CSNK1G1: variants seen among roughly 807,000 people sequenced by gnomAD.
The protein encoded by CSNK1G1 is casein kinase I isoform gamma-1.
Under a neutral mutation model 59.6 loss-of-function variants are expected in CSNK1G1, and 22 were observed. The ratio of observed to expected loss-of-function variants is 0.37; its 90% CI spans 0.26 to 0.53. CSNK1G1 has a LOEUF of 0.53. Ranked by LOEUF, CSNK1G1 falls within the 20% of genes least tolerant of loss-of-function variation. CSNK1G1 has a pLI of 0.89. For synonymous variants in CSNK1G1, 179 were observed against 177.1 expected (o/e 1.01, Z -0.08); for missense variants, 384 against 519.5 (o/e 0.74, Z 2.54).
In CSNK1G1 at chr15:64,176,415, T is replaced by G; in HGVS notation, c.1214+3933A>C. 2.5e-6 allele frequency: 1 copy of G among 396,520 alleles called. No homozygotes were observed. Among genetic ancestry groups the G allele is most frequent in the Non-Finnish European group, 4.4e-6 (1 of 225,156 alleles). 24.6% of individuals were successfully genotyped at this position (396,520 alleles called of 1,614,324 possible). On this transcript the variant is annotated intron_variant, in intron 11 of 11. Coordinates refer to ENST00000303052, the MANE Select transcript of CSNK1G1 (RefSeq NM_022048.5). The surrounding 1 kb of genome is among the most constrained non-coding windows in gnomAD (Gnocchi z 5.2). ...CATGCAGTATGTGTCTGTGTTTAGT[T>G]TCTTCTTCTGTCAAGGTAGGCTGAG...
chr15:64,300,241 C>T (rs552966380), intron 2 of CSNK1G1, 78 bp downstream of exon 2: 21 of 1,381,336 alleles, frequency 1.5e-5, no homozygotes, highest in Admixed American at 2.2e-5. Flanking sequence ...AAACTATAAA[C>T]GGCTTGTCTT....
At chr15:64,288,141 A>T (rs1283826513) in intron 2 of CSNK1G1, among the ~76,000 whole-genome samples, 1 of 152,154 alleles carries the variant, frequency 6.6e-6, no homozygotes, top group Non-Finnish European at 1.5e-5. Flanking sequence ...AATTTTTTTT[A>T]AAAATCAAGT....
chr15:64,261,665 A>T (rs1344470667), intron 2 of CSNK1G1, among the ~76,000 whole-genome samples: 2 of 151,944 alleles, frequency 1.3e-5, no homozygotes. Flanking sequence ...TAACCCTAAG[A>T]ACTTAATTAC....
chr15:64,205,241 GC>G (rs146447946), intron 7 of CSNK1G1, among the ~76,000 whole-genome samples: 12,771 of 152,106 alleles, frequency 0.084, 1,678 homozygotes, highest in African/African-American at 0.28. Context: ...ATATTATGTG[GC>G]CAATATTTTC....
chr15:64,273,789 G>A (rs1893458367), intron 2 of CSNK1G1, among the ~76,000 whole-genome samples: 1 of 152,036 alleles, frequency 6.6e-6, no homozygotes, highest in Non-Finnish European at 1.5e-5. Context: ...TTTTGTGTTG[G>A]GCTGCATTCA....
chr15:64,298,184 C>T (rs1285822647), intron 2 of CSNK1G1, among the ~76,000 whole-genome samples: 1 of 152,182 alleles, frequency 6.6e-6, no homozygotes, highest in African/African-American at 2.4e-5. Flanking sequence ...TCCCTTCCCA[C>T]GTAAACTTAT....
At chr15:64,204,412 T>C (rs1399179352) in intron 9 of CSNK1G1, 29 bp downstream of exon 9, 2 of 1,180,796 alleles carry the variant, frequency 1.7e-6, no homozygotes, top group African/African-American at 1.8e-5. Context: ...GTAATGAGGT[T>C]AAAAAAAAAA....
At chr15:64,179,003 A>C (rs1469864328) in intron 11 of CSNK1G1, among the ~76,000 whole-genome samples, 1 of 152,036 alleles carries the variant, frequency 6.6e-6, no homozygotes, top group East Asian at 1.9e-4. Flanking sequence ...CTCCTGCCTC[A>C]GCCTCCCAAA....
chr15:64,313,971 G>T (rs1384299007), intron 1 of CSNK1G1, among the ~76,000 whole-genome samples: 2 of 151,986 alleles, frequency 1.3e-5, no homozygotes, highest in African/African-American at 4.8e-5. Context: ...GACATATACA[G>T]CTCCTCTGCT....
intron 6 of CSNK1G1, among the ~76,000 whole-genome samples, chr15:64,212,517 C>G (rs1386826692): frequency 6.6e-6 from 1 of 151,910 alleles, no homozygotes; most frequent in East Asian, 1.9e-4. Context: ...GAGTTTGAGA[C>G]CCGCCTGGGG....
At chr15:64,196,723 A>G (rs1200520208) in intron 10 of CSNK1G1, among the ~76,000 whole-genome samples, 1 of 151,576 alleles carries the variant, frequency 6.6e-6, no homozygotes, top group African/African-American at 2.4e-5. Context: ...AAGTGTTGAG[A>G]TTACAGGCGG....
chr15:64,225,072 A>G (rs1474677127), intron 4 of CSNK1G1, among the ~76,000 whole-genome samples: 5 of 144,162 alleles, frequency 3.5e-5, no homozygotes, highest in African/African-American at 1.3e-4. Flanking sequence ...ACAGTGGTGC[A>G]ATTTTGGGTC....
chr15:64,177,312 G>A (rs1411319184), intron 11 of CSNK1G1, among the ~76,000 whole-genome samples: 1 of 152,174 alleles, frequency 6.6e-6, no homozygotes, highest in South Asian at 2.1e-4. Flanking sequence ...GTGCAATGAG[G>A]GGCTGTTTGG....
chr15:64,261,816 A>C (rs2140333806), intron 2 of CSNK1G1, among the ~76,000 whole-genome samples: 1 of 151,040 alleles, frequency 6.6e-6, no homozygotes, highest in Middle Eastern at 3.5e-3. Context: ...GGTAGTGTGC[A>C]CCTGTAATCC....
chr15:64,318,997 CACACCACT>C (rs1896419744), intron 1 of CSNK1G1, among the ~76,000 whole-genome samples: 1 of 151,800 alleles, frequency 6.6e-6, no homozygotes, highest in African/African-American at 2.4e-5. Flanking sequence ...ACTACAGGCA[CACACCACT>C]ACACCTGGCT....
intron 10 of CSNK1G1, among the ~76,000 whole-genome samples, chr15:64,192,183 C>T (rs2081980690): frequency 6.6e-6 from 1 of 152,192 alleles, no homozygotes; most frequent in South Asian, 2.1e-4. Flanking sequence ...CTCATGCATA[C>T]ACATCTAATT....
At chr15:64,192,210 G>T (rs1330986193) in intron 10 of CSNK1G1, among the ~76,000 whole-genome samples, 1 of 152,186 alleles carries the variant, frequency 6.6e-6, no homozygotes, top group Non-Finnish European at 1.5e-5. Context: ...CACTCAAGAG[G>T]TGCATGAGTA....
intron 3 of CSNK1G1, among the ~76,000 whole-genome samples, chr15:64,254,095 G>A (rs1328949403): frequency 2.0e-5 from 3 of 151,952 alleles, no homozygotes; most frequent in East Asian, 1.9e-4. Context: ...AGCCTAGATC[G>A]CACCACTGCA....
intron 4 of CSNK1G1, among the ~76,000 whole-genome samples, chr15:64,241,284 A>C (rs1017892702): frequency 3.3e-5 from 5 of 152,224 alleles, no homozygotes. Context: ...TACAATGTTA[A>C]AGAGAACAAT....
Sources: gnomAD v4.1 joint callset for allele counts (sites outside exome capture counted in the v4.1 genomes callset) on GRCh38, gnomAD v4.1.1 for gene constraint, Gnocchi (gnomAD v3.1) non-coding constraint, MANE v1.5 for transcripts, NCBI Gene and HGNC (gene_info 2026-07-23, HGNC 2026-07-21) for gene names.